Variants in LIN28B observed in about 807,000 individuals in gnomAD.
The protein encoded by LIN28B is lin-28 RNA binding posttranscriptional regulator B.
Under a neutral mutation model 21.9 loss-of-function variants are expected in LIN28B, and 5 were observed. That is an observed-to-expected ratio of 0.23 (90% CI 0.12 to 0.48). LIN28B has a LOEUF of 0.48. Among genes scored for constraint, LIN28B ranks in the 20% least tolerant of loss-of-function variants. The pLI, the probability that LIN28B is intolerant of heterozygous loss-of-function variation, is 0.98. For missense variants in LIN28B, 245 were observed against 310.5 expected (o/e 0.79, Z 1.58); for synonymous variants, 109 against 111.3 (o/e 0.98, Z 0.13).
intron 2 of LIN28B, among the ~76,000 whole-genome samples, chr6:104,992,484 TTGTGTGTGTGTGTG>T (rs752464999): frequency 7.4e-6 from 1 of 135,934 alleles, no homozygotes; most frequent in Non-Finnish European, 1.6e-5. Context: ...TAAGTTTCTG[TTGTGTGTGTGTGTG>T]TGTGTGTGTG....
At chr6:105,076,297 G>T (rs1772423756) in intron 3 of LIN28B, among the ~76,000 whole-genome samples, 1 of 151,708 alleles carries the variant, frequency 6.6e-6, no homozygotes, top group African/African-American at 2.4e-5. Context: ...TCATTGCAAA[G>T]AATAAAAGCC....
In LIN28B at chr6:104,973,645, C is replaced by T. The variant is rs114365816; in HGVS notation, c.198+15359C>T. Reference sequence around the variant, plus strand: ...CTTTAGCAGAAGTGTCGTTCCTTGACGAAGAGTGTAGTTGAGAAGAAGTTA... The same window carrying T: ...CTTTAGCAGAAGTGTCGTTCCTTGATGAAGAGTGTAGTTGAGAAGAAGTTA... On this transcript the variant is annotated intron_variant, in intron 2 of 3. Coordinates refer to ENST00000345080, the MANE Select transcript of LIN28B (RefSeq NM_001004317.4). 7.1e-3 allele frequency among the ~76,000 whole-genome samples: 1,079 copies of T among 152,242 alleles called. 10 individuals are homozygous for T. The highest frequency in any genetic ancestry group is 0.024 in the African/African-American group (987 of 41,526).
chr6:104,973,229 A>T (rs1770016183), intron 2 of LIN28B, among the ~76,000 whole-genome samples: 1 of 152,168 alleles, frequency 6.6e-6, no homozygotes, highest in East Asian at 1.9e-4. Context: ...TTAAGCCATT[A>T]ATATTCCTAA....
At chr6:105,052,109 G>GGAATCTTTGAA (rs1396004289) in intron 3 of LIN28B, among the ~76,000 whole-genome samples, 10 of 152,180 alleles carry the variant, frequency 6.6e-5, no homozygotes, top group African/African-American at 2.4e-4. Context: ...AGGAAAACCT[G>GGAATCTTTGAA]TGCAAAGATT....
At chr6:104,941,314 C>A (rs1778088040) in intron 2 of LIN28B, 1 of 152,128 alleles carries the variant, frequency 6.6e-6, no homozygotes, top group Non-Finnish European at 1.5e-5. Flanking sequence ...GATGTACTTC[C>A]GGGTTCACAC....
intron 2 of LIN28B, among the ~76,000 whole-genome samples, chr6:105,025,028 C>T (rs1582903316): frequency 6.6e-6 from 1 of 152,074 alleles, no homozygotes; most frequent in Non-Finnish European, 1.5e-5. Flanking sequence ...AGAGAAACAA[C>T]ATACAGTGTT....
intron 3 of LIN28B, among the ~76,000 whole-genome samples, chr6:105,048,610 C>T (rs1771823613): frequency 6.6e-6 from 1 of 152,146 alleles, no homozygotes; most frequent in Admixed American, 6.5e-5. Flanking sequence ...TCCTCCTGTA[C>T]CTCTGGTAGA....
intron 2 of LIN28B, among the ~76,000 whole-genome samples, chr6:104,991,172 G>T (rs1219711645): frequency 2.0e-5 from 3 of 150,908 alleles, no homozygotes; most frequent in Admixed American, 2.0e-4. Flanking sequence ...CGGACAGGGC[G>T]GCGGCCAGGC....
intron 3 of LIN28B, among the ~76,000 whole-genome samples, chr6:105,047,414 A>G (rs1228559299): frequency 6.6e-6 from 1 of 152,170 alleles, no homozygotes; most frequent in Admixed American, 6.6e-5. Context: ...TGTTTTGATT[A>G]CTATAGCCTT....
chr6:105,073,244 G>T (rs905236514), intron 3 of LIN28B, among the ~76,000 whole-genome samples: 12 of 152,132 alleles, frequency 7.9e-5, no homozygotes, highest in African/African-American at 2.9e-4. Flanking sequence ...AATGTTATTA[G>T]TATCATTTCT....
chr6:104,996,090 A>G (rs542762549), intron 2 of LIN28B, among the ~76,000 whole-genome samples: 2 of 152,262 alleles, frequency 1.3e-5, no homozygotes, highest in South Asian at 4.2e-4. Context: ...ATCTTGTAGC[A>G]TCTCAATAAG....
intron 2 of LIN28B, among the ~76,000 whole-genome samples, chr6:104,948,940 C>T (rs76945391): frequency 0.019 from 2,881 of 151,868 alleles, 93 homozygotes; most frequent in African/African-American, 0.067. Flanking sequence ...AGTTAGAGCT[C>T]TTGAATTAAA....
chr6:105,007,230 T>G (rs1213236927), intron 2 of LIN28B, among the ~76,000 whole-genome samples: 1 of 152,198 alleles, frequency 6.6e-6, no homozygotes, highest in Non-Finnish European at 1.5e-5. Context: ...ATAAATAATT[T>G]AGAGTCAAAA....
intron 3 of LIN28B, among the ~76,000 whole-genome samples, chr6:105,046,169 C>T (rs978712733): frequency 5.9e-5 from 9 of 152,110 alleles, no homozygotes; most frequent in African/African-American, 2.4e-5. Flanking sequence ...GTCCCCCCTC[C>T]CTCCACCCCA....
intron 3 of LIN28B, among the ~76,000 whole-genome samples, chr6:105,037,854 T>C (rs1174837702): frequency 6.6e-6 from 1 of 152,102 alleles, no homozygotes; most frequent in African/African-American, 2.4e-5. Context: ...ATGTTTCTTT[T>C]TTTTGGAATA....
chr6:105,018,878 G>GAT (rs1241931004), intron 2 of LIN28B, among the ~76,000 whole-genome samples: 1 of 151,828 alleles, frequency 6.6e-6, no homozygotes, highest in Non-Finnish European at 1.5e-5. Flanking sequence ...AATAGCTCTG[G>GAT]ATATACTAAA....
At chr6:104,987,551 C>G (rs1770373008) in intron 2 of LIN28B, among the ~76,000 whole-genome samples, 1 of 152,076 alleles carries the variant, frequency 6.6e-6, no homozygotes, top group African/African-American at 2.4e-5. Flanking sequence ...GCATTGAACT[C>G]CTGGGCTCAA....
chr6:104,970,488 T>C (rs1273968029), intron 2 of LIN28B, among the ~76,000 whole-genome samples: 1 of 152,218 alleles, frequency 6.6e-6, no homozygotes, highest in Non-Finnish European at 1.5e-5. Flanking sequence ...ATATGTGTCT[T>C]GTTTAATTTC....
At chr6:104,939,205 T>C (rs142647335) in intron 2 of LIN28B, 1 of 152,348 alleles carries the variant, frequency 6.6e-6, no homozygotes, top group East Asian at 1.9e-4. Context: ...TGTCCACATC[T>C]TTTTCCTCTA....
Sources: allele counts gnomAD v4.1 joint callset (sites outside exome capture counted in the v4.1 genomes callset), GRCh38; gene constraint gnomAD v4.1.1; transcripts MANE v1.5; gene names NCBI Gene and HGNC (gene_info 2026-07-23, HGNC 2026-07-21).